Variants in EPG5 observed in about 807,000 individuals in gnomAD.
EPG5 encodes the protein ectopic P-granules 5 autophagy tethering factor.
A neutral mutation model predicts 302.7 loss-of-function variants in EPG5; 159 were observed. The observed-to-expected ratio is 0.53, with a 90% CI of 0.46 to 0.60. EPG5 has a LOEUF of 0.60. Among genes scored for constraint, EPG5 ranks in the 20% least tolerant of loss-of-function variants. The pLI is 0.00. For synonymous variants in EPG5, 1,158 were observed against 1,136.8 expected (o/e 1.02, Z -0.37); for missense variants, 2,896 against 3,092.4 (o/e 0.94, Z 1.51).
chr18:45,946,830 T>C (rs1027186590), intron 6 of EPG5, 62 bp from the exon 7 acceptor site: 6 of 1,295,214 alleles, frequency 4.6e-6, no homozygotes, highest in Non-Finnish European at 6.7e-6. Context: ...GCATTGTGGA[T>C]TCTCTACTCA....
intron 30 of EPG5, among the ~76,000 whole-genome samples, chr18:45,883,031 A>AAAAAAAG (rs1555667436): frequency 1.4e-5 from 2 of 147,562 alleles, no homozygotes; most frequent in African/African-American, 2.5e-5. Context: ...AAAAAAAAAA[A>AAAAAAAG]GTAGTTCACT....
At chr18:45,899,688 A>T in intron 26 of EPG5, 122 bp from the exon 27 acceptor site, 1 of 975,674 alleles carries the variant, frequency 1.0e-6, no homozygotes, top group Admixed American at 2.5e-5. Flanking sequence ...AACCATAGTA[A>T]CAGAGGACCA....
chr18:45,817,532 T>G, the EPG5 span, among the ~76,000 whole-genome samples: 1 of 152,238 alleles, frequency 6.6e-6, no homozygotes, highest in Non-Finnish European at 1.5e-5. Context: ...AGGTTGCAGC[T>G]AAGATGTCAG....
In EPG5 at chr18:45,899,526, C is replaced by A. The variant is rs751554863; in HGVS notation, c.4687G>T (p.Gly1563Cys). 6.9e-5 allele frequency: 112 copies of A among 1,614,006 alleles called. No individual in the cohort carries two copies. The highest frequency in any genetic ancestry group is 9.4e-5 in the Non-Finnish European group (111 of 1,180,022). Residue 1563 changes from glycine to cysteine, a missense_variant, in exon 27 of 44, where the codon GGT (glycine) becomes TGT (cysteine). Coordinates refer to ENST00000282041, the MANE Select transcript of EPG5 (RefSeq NM_020964.3). ...LRESQQVALD[G>C]ELLDTMPKQY... The stretch of plus-strand genomic sequence containing the variant: ...TTTGGCATTGTGTCTAACAGCTCAC[C>A]ATCCAGAGCAACCTGCTGAGATTCC...
chr18:45,953,975 A>G (rs2050967928), intron 2 of EPG5: 1 of 958,806 alleles, frequency 1.0e-6, no homozygotes, highest in African/African-American at 1.8e-5. Flanking sequence ...GCTGAATTTC[A>G]GCTGGAGACA....
chr18:45,858,945 G>T (rs2048575305), intron 40 of EPG5, among the ~76,000 whole-genome samples, 163 bp from the exon 41 acceptor site: 1 of 152,020 alleles, frequency 6.6e-6, no homozygotes, highest in Non-Finnish European at 1.5e-5. Context: ...AGTGACCTTG[G>T]AGGCTACAAA....
At chr18:45,828,869 T>G in the EPG5 span, among the ~76,000 whole-genome samples, 1 of 152,122 alleles carries the variant, frequency 6.6e-6, no homozygotes, top group Admixed American at 6.5e-5. Context: ...CAGGGGTGCT[T>G]ATTCGGGACA....
the EPG5 span, among the ~76,000 whole-genome samples, chr18:45,812,706 G>A: frequency 3.2e-3 from 480 of 152,288 alleles, 4 homozygotes; most frequent in South Asian, 5.6e-3. Context: ...TGGGAAAACC[G>A]GCTAGCCATA....
chr18:45,913,198 ATTCT>A (rs2145689886), intron 21 of EPG5, among the ~76,000 whole-genome samples: 1 of 152,308 alleles, frequency 6.6e-6, no homozygotes, highest in South Asian at 2.1e-4. Context: ...AGAATGCTGA[ATTCT>A]TTGAGAGGCT....
chr18:45,836,860 G>A, the EPG5 span, among the ~76,000 whole-genome samples: 3 of 152,190 alleles, frequency 2.0e-5, no homozygotes, highest in Admixed American at 6.5e-5. Context: ...GGTGTCCTCG[G>A]AGAAGCCCCA....
chr18:45,889,714 G>C, intron 28 of EPG5, 84 bp downstream of exon 28: 1 of 1,257,198 alleles, frequency 8.0e-7, no homozygotes, highest in African/African-American at 1.5e-5. Context: ...GGTGCTGCAG[G>C]GGTGGTGGTG....
At chr18:45,964,256 T>A (rs1385295248) in intron 1 of EPG5, among the ~76,000 whole-genome samples, 1 of 152,194 alleles carries the variant, frequency 6.6e-6, no homozygotes. Context: ...TCTGTAACAT[T>A]CTATCTATGG....
chr18:45,910,190 T>C (rs1379364267), intron 23 of EPG5, among the ~76,000 whole-genome samples: 1 of 152,116 alleles, frequency 6.6e-6, no homozygotes, highest in African/African-American at 2.4e-5. Context: ...GGTCTCACTA[T>C]GTTGCCCAGG....
chr18:45,966,409 TACAC>T (rs1267442995), intron 1 of EPG5, among the ~76,000 whole-genome samples: 4 of 151,488 alleles, frequency 2.6e-5, no homozygotes, highest in African/African-American at 7.3e-5. Context: ...TACATATATA[TACAC>T]ACACACATAT....
intron 26 of EPG5, among the ~76,000 whole-genome samples, chr18:45,900,319 G>A (rs979619695): frequency 3.3e-5 from 5 of 150,218 alleles, no homozygotes; most frequent in East Asian, 2.0e-4. Context: ...GGAGAATGGC[G>A]TGAACTCGGG....
At chr18:45,838,046 G>T in the EPG5 span, 4 of 1,101,452 alleles carry the variant, frequency 3.6e-6, no homozygotes, top group Non-Finnish European at 4.8e-6. Context: ...CTCACACCTG[G>T]GGGTAGTTTA....
At chr18:45,821,220 C>G in the EPG5 span, among the ~76,000 whole-genome samples, 3 of 152,200 alleles carry the variant, frequency 2.0e-5, no homozygotes, top group Non-Finnish European at 4.4e-5. Context: ...CTCTGAGAAC[C>G]TGTAAACATG....
chr18:45,819,156 A>G, the EPG5 span, among the ~76,000 whole-genome samples: 5 of 152,226 alleles, frequency 3.3e-5, no homozygotes, highest in African/African-American at 1.2e-4. Flanking sequence ...ACTCATTTAA[A>G]TATCACCTAT....
At chr18:45,947,211 G>T (rs906742878) in intron 6 of EPG5, among the ~76,000 whole-genome samples, 1 of 152,072 alleles carries the variant, frequency 6.6e-6, no homozygotes, top group Non-Finnish European at 1.5e-5. Flanking sequence ...TCAAGAGATC[G>T]AGACCATCCT....
Sources: allele counts gnomAD v4.1 joint callset (sites outside exome capture counted in the v4.1 genomes callset), GRCh38; gene constraint gnomAD v4.1.1; transcripts MANE v1.5; gene names NCBI Gene and HGNC (gene_info 2026-07-23, HGNC 2026-07-21).